STAG1: variants seen among roughly 807,000 people sequenced by gnomAD.
STAG1 encodes STAG1 cohesin complex component, also known as cohesin subunit SA-1.
Under a neutral mutation model 170.9 loss-of-function variants are expected in STAG1, and 26 were observed. The observed-to-expected ratio is 0.15, with a 90% CI of 0.11 to 0.21. STAG1 has a LOEUF of 0.21. Among genes scored for constraint, STAG1 ranks in the 10% least tolerant of loss-of-function variants. STAG1 has a pLI of 1.00. For missense variants in STAG1, 964 were observed against 1,509.5 expected (o/e 0.64, Z 5.99); for synonymous variants, 514 against 497.7 (o/e 1.03, Z -0.44).
At chr3:136,620,988 T>C (rs948232010) in intron 3 of STAG1, among the ~76,000 whole-genome samples, 6 of 152,120 alleles carry the variant, frequency 3.9e-5, no homozygotes, top group Middle Eastern at 6.8e-3. Flanking sequence ...ATTAGCTGGG[T>C]GTGGTGGCGC....
intron 5 of STAG1, among the ~76,000 whole-genome samples, chr3:136,554,008 C>T (rs914585830): frequency 3.3e-5 from 5 of 151,086 alleles, no homozygotes; most frequent in African/African-American, 4.9e-5. Flanking sequence ...TTGTAACAAG[C>T]GGCATCTAAA....
In STAG1 at chr3:136,705,672, A is replaced by G. The variant is rs141301725; in HGVS notation, c.-84+46523T>C. Among the ~76,000 whole-genome samples the G allele has an allele frequency of 2.1e-3, 320 of 152,140 alleles. 1 individual carries two copies. The highest frequency in any genetic ancestry group is 8.0e-3 in the Admixed American group (123 of 15,280). On this transcript the variant is annotated intron_variant, in intron 1 of 33. Transcript: ENST00000383202. The stretch of plus-strand genomic sequence containing the variant: ...TTTCCTGCACATGCTCTCTTTGCCT[A>G]TTGCCATGTCAGATGTGACTTTACT...
At chr3:136,558,345 T>C (rs1214877303) in intron 5 of STAG1, among the ~76,000 whole-genome samples, 3 of 152,274 alleles carry the variant, frequency 2.0e-5, no homozygotes, top group South Asian at 2.1e-4. Context: ...TGAGCCAAGA[T>C]TGCACCGCTG....
chr3:136,742,714 C>CA (rs771229199), intron 1 of STAG1, among the ~76,000 whole-genome samples: 2,382 of 101,778 alleles, frequency 0.023, 74 homozygotes, highest in African/African-American at 0.075. Context: ...GACTCCATCT[C>CA]AAAAAAAAAA....
intron 4 of STAG1, among the ~76,000 whole-genome samples, chr3:136,569,555 T>C (rs946950652): frequency 6.6e-6 from 1 of 152,024 alleles, no homozygotes; most frequent in African/African-American, 2.4e-5. Context: ...CTCTAACCAT[T>C]CAACCCAGGG....
At chr3:136,410,524 A>T (rs1012576506) in intron 21 of STAG1, among the ~76,000 whole-genome samples, 2 of 152,208 alleles carry the variant, frequency 1.3e-5, no homozygotes, top group African/African-American at 4.8e-5. Flanking sequence ...GAAAACAATT[A>T]AAAAACTTGG....
intron 9 of STAG1, among the ~76,000 whole-genome samples, chr3:136,499,105 T>C (rs1933323068): frequency 6.6e-6 from 1 of 152,166 alleles, no homozygotes; most frequent in South Asian, 2.1e-4. Context: ...TTTCAATCCG[T>C]GTTTAGTTAG....
intron 22 of STAG1, among the ~76,000 whole-genome samples, chr3:136,386,638 TTAATTTTCTTCCACAATAGTAGCAAGC>T (rs1576415689): frequency 1.3e-5 from 2 of 152,170 alleles, no homozygotes; most frequent in East Asian, 3.8e-4. Flanking sequence ...GTGATTCCTT[TTAATTTTCTTCCACAATAGTAGCAAGC>T]ACTACAGGCA....
At chr3:136,446,082 G>T (rs2088768827) in intron 14 of STAG1, among the ~76,000 whole-genome samples, 1 of 151,878 alleles carries the variant, frequency 6.6e-6, no homozygotes, top group South Asian at 2.1e-4. Context: ...CTTCATTCAG[G>T]GTTTTATTTT....
chr3:136,528,819 A>G (rs1031465969), intron 6 of STAG1, among the ~76,000 whole-genome samples: 1 of 151,846 alleles, frequency 6.6e-6, no homozygotes, highest in African/African-American at 2.4e-5. Flanking sequence ...ATTCCCAGCT[A>G]TTTGGGAGGC....
At chr3:136,747,459 C>T (rs915271117) in intron 1 of STAG1, among the ~76,000 whole-genome samples, 9 of 152,120 alleles carry the variant, frequency 5.9e-5, no homozygotes, top group Middle Eastern at 3.4e-3. Flanking sequence ...GAGGCCAAGG[C>T]GGGCTGATTA....
At chr3:136,720,750 T>C (rs1053982302) in intron 1 of STAG1, among the ~76,000 whole-genome samples, 6 of 151,954 alleles carry the variant, frequency 3.9e-5, no homozygotes, top group South Asian at 2.1e-4. Flanking sequence ...GATTGTGCCA[T>C]TGTACTCCAG....
intron 4 of STAG1, among the ~76,000 whole-genome samples, chr3:136,586,228 T>A (rs1465407647): frequency 6.9e-6 from 1 of 144,578 alleles, no homozygotes; most frequent in African/African-American, 2.7e-5. Flanking sequence ...AAATGTATAA[T>A]CCTTTATGTG....
intron 15 of STAG1, among the ~76,000 whole-genome samples, chr3:136,434,249 T>C (rs2088391530): frequency 6.6e-6 from 1 of 152,150 alleles, no homozygotes; most frequent in Non-Finnish European, 1.5e-5. Flanking sequence ...TGGATTCAAA[T>C]GGCAAGACCT....
chr3:136,718,141 C>T (rs529138483), intron 1 of STAG1, among the ~76,000 whole-genome samples: 1 of 152,188 alleles, frequency 6.6e-6, no homozygotes, highest in African/African-American at 2.4e-5. Context: ...TTCTGTATCT[C>T]ACTAATCAAA....
intron 1 of STAG1, among the ~76,000 whole-genome samples, chr3:136,642,733 G>T (rs1184962226): frequency 6.6e-6 from 1 of 152,146 alleles, no homozygotes; most frequent in African/African-American, 2.4e-5. Flanking sequence ...CAAAAAGCTG[G>T]ATGGCTTTGA....
intron 3 of STAG1, among the ~76,000 whole-genome samples, chr3:136,615,034 CCTT>C (rs1204185918): frequency 6.6e-6 from 1 of 151,884 alleles, no homozygotes; most frequent in Non-Finnish European, 1.5e-5. Flanking sequence ...GTGCTAAAAA[CCTT>C]CTAAGAGAAA....
chr3:136,749,756 A>G (rs1034954919), intron 1 of STAG1, among the ~76,000 whole-genome samples: 1 of 151,882 alleles, frequency 6.6e-6, no homozygotes, highest in South Asian at 2.1e-4. Context: ...AAAAAAAAAA[A>G]AAAGAAAAAC....
chr3:136,402,656 C>A (rs1449330442), intron 21 of STAG1, among the ~76,000 whole-genome samples: 1 of 150,452 alleles, frequency 6.6e-6, no homozygotes. Flanking sequence ...GATGGTGAAA[C>A]CCCGTCTCTA....
Sources: gnomAD v4.1 joint callset for allele counts (sites outside exome capture counted in the v4.1 genomes callset) on GRCh38, gnomAD v4.1.1 for gene constraint, MANE v1.5 for transcripts, NCBI Gene and HGNC (gene_info 2026-07-23, HGNC 2026-07-21) for gene names.